MAP3K13: variants seen among roughly 807,000 people sequenced by gnomAD.
MAP3K13 encodes the protein leucine zipper-bearing kinase.
A neutral mutation model predicts 104.0 loss-of-function variants in MAP3K13; 52 were observed. The ratio of observed to expected loss-of-function variants is 0.50; its 90% CI spans 0.40 to 0.63. The LOEUF is 0.63. Ranked by LOEUF, MAP3K13 falls within the 20% of genes least tolerant of loss-of-function variation. The pLI, the probability that MAP3K13 is intolerant of heterozygous loss-of-function variation, is 0.00. For missense variants in MAP3K13, 914 were observed against 1,218.5 expected (o/e 0.75, Z 3.72); for synonymous variants, 394 against 442.2 (o/e 0.89, Z 1.37).
chr3:185,418,510 C>T lies in MAP3K13; in HGVS notation c.-85-9987C>T. 6.2e-7 allele frequency: 1 copy of T among 1,612,052 alleles called. No individual in the cohort carries two copies. On this transcript the variant is annotated intron_variant, in intron 1 of 13. Transcript: ENST00000265026. This position sits in a 1 kb window ranked among gnomAD's most constrained non-coding sequence, Gnocchi z 4.5. ...TCCACGACACATGTTTCCAAAAGCA[C>T]CCTGGCCAGAGCGGTGAGTCCCACC...
At chr3:185,442,764 C>A (rs1285169482) in intron 3 of MAP3K13, among the ~76,000 whole-genome samples, 1 of 152,070 alleles carries the variant, frequency 6.6e-6, no homozygotes, top group Non-Finnish European at 1.5e-5. Context: ...GAACTCCTGA[C>A]CTTGGTGATC....
chr3:185,324,253 C>T (rs997744155), intron 2 of MAP3K13, among the ~76,000 whole-genome samples: 8 of 151,868 alleles, frequency 5.3e-5, no homozygotes, highest in African/African-American at 1.5e-4. Context: ...CTCCTGACCT[C>T]GTGATCCGCC....
At chr3:185,419,431 C>A (rs1051446352) in intron 1 of MAP3K13, among the ~76,000 whole-genome samples, 2 of 152,084 alleles carry the variant, frequency 1.3e-5, no homozygotes, top group East Asian at 3.8e-4. Flanking sequence ...TTAATCTGTG[C>A]GTTTAAAGCA....
Position 185,437,462 on chromosome 3 carries a change from C to T in MAP3K13, c.491C>T (p.Pro164Leu). ...KLQQQDTWEV[P>L]FEEISELQWL... is the part of the protein sequence containing the mutation. ...GTGTGCCTAGATACTTGGGAAGTGC[C>T]ATTTGAGGAGATCTCAGAGCTGCAG... The change falls in exon 3 of 14, where the codon CCA becomes CTA. Residue 164 changes from proline to leucine, a missense_variant. Physicochemically the swap from Pro to Leu is moderately conservative, Grantham distance 98. This residue lies in a region of MAP3K13 where 175 missense variants were observed against 321.3 expected (regional missense o/e 0.54). Transcript: ENST00000265026. 6.2e-7 allele frequency: 1 copy of T among 1,613,442 alleles called. No homozygotes were observed. The highest frequency in any genetic ancestry group is 8.5e-7 in the Non-Finnish European group (1 of 1,179,826).
At chr3:185,455,644 GAGATATATATATGATATATATATGATAT>G (rs1716591042) in intron 7 of MAP3K13, among the ~76,000 whole-genome samples, 1 of 21,240 alleles carries the variant, frequency 4.7e-5, no homozygotes, top group Non-Finnish European at 9.7e-5. Flanking sequence ...TGATATATAT[GAGATATATATATGATATATATATGATAT>G]ATATATGAGA....
At chr3:185,412,000 T>C (rs1169931480) in intron 1 of MAP3K13, among the ~76,000 whole-genome samples, 1 of 152,044 alleles carries the variant, frequency 6.6e-6, no homozygotes, top group Non-Finnish European at 1.5e-5. Flanking sequence ...GCCAGGCTGG[T>C]CTCGAACTCT....
intron 8 of MAP3K13, 140 bp downstream of exon 8, chr3:185,463,799 C>A (rs1012261977): frequency 4.6e-5 from 24 of 521,954 alleles, no homozygotes; most frequent in African/African-American, 3.4e-4. Flanking sequence ...AAAAGTTGCC[C>A]CAAAAGTTAG....
In MAP3K13 at chr3:185,452,902, C is replaced by T. The variant is rs562989789; in HGVS notation, c.1278+1507C>T. ...TGCATTATTCCTGCTAATGTTCCAT[C>T]GGCCAAGCAAGTCACAGGCCAACCC... On this transcript the variant is annotated intron_variant, in intron 7 of 13. Transcript: ENST00000265026. 2.0e-5 allele frequency among the ~76,000 whole-genome samples: 3 copies of T among 152,242 alleles called. No homozygotes were observed. The South Asian group carries it at 6.2e-4, about 32-fold the overall frequency.
In MAP3K13 at chr3:185,301,882, T is replaced by A. The variant is rs1024687812; in HGVS notation, c.-86+16239T>A. ...TTGATTACTAAAGTTTTGTAATATATGTTGAAGTCAGGAAGTTTGAGGCCT... is the reference window on the plus strand; with the variant it reads ...TTGATTACTAAAGTTTTGTAATATAAGTTGAAGTCAGGAAGTTTGAGGCCT... On this transcript the variant is annotated intron_variant, in intron 2 of 14. Coordinates refer to the MAP3K13 transcript ENST00000424227. Among the ~76,000 whole-genome samples, 5 of 152,344 alleles carry A rather than the reference T, an allele frequency of 3.3e-5. No individual in the cohort carries two copies. In the South Asian group the frequency reaches 1.0e-3, roughly 32 times the overall value.
intron 2 of MAP3K13, among the ~76,000 whole-genome samples, chr3:185,332,006 T>C (rs1054317922): frequency 6.6e-6 from 1 of 152,244 alleles, no homozygotes; most frequent in Admixed American, 6.5e-5. Flanking sequence ...ACGGATGTAC[T>C]GTAATTTATA....
intron 1 of MAP3K13, among the ~76,000 whole-genome samples, chr3:185,386,902 G>A (rs9856656): frequency 6.6e-6 from 1 of 152,120 alleles, no homozygotes; most frequent in African/African-American, 2.4e-5. Flanking sequence ...TCCTGTCAGA[G>A]GGCAGGGGGT....
At chr3:185,433,703 G>T (rs1714871882) in intron 2 of MAP3K13, among the ~76,000 whole-genome samples, 1 of 152,048 alleles carries the variant, frequency 6.6e-6, no homozygotes, top group Non-Finnish European at 1.5e-5. Context: ...TTTTTCTATG[G>T]ATAATCAAGA....
intron 2 of MAP3K13, among the ~76,000 whole-genome samples, chr3:185,308,547 ACT>A (rs1305110370): frequency 6.6e-6 from 1 of 151,906 alleles, no homozygotes; most frequent in Non-Finnish European, 1.5e-5. Flanking sequence ...TCCCAATAAC[ACT>A]GAGTTCTGTT....
chr3:185,347,775 G>A (rs1294609795), intron 2 of MAP3K13, among the ~76,000 whole-genome samples: 4 of 152,118 alleles, frequency 2.6e-5, no homozygotes, highest in African/African-American at 9.7e-5. Context: ...TTGGGAAGTC[G>A]AGGCGGGTGG....
intron 2 of MAP3K13, among the ~76,000 whole-genome samples, chr3:185,432,450 C>G (rs1201728042): frequency 6.6e-6 from 1 of 152,000 alleles, no homozygotes; most frequent in Non-Finnish European, 1.5e-5. Flanking sequence ...CTCGGCCTTC[C>G]AAAGTGCTGG....
chr3:185,302,031 G>A (rs113355342), intron 2 of MAP3K13, among the ~76,000 whole-genome samples: 129 of 152,118 alleles, frequency 8.5e-4, no homozygotes, highest in East Asian at 3.5e-3. Flanking sequence ...TAGGGATTGC[G>A]TGAATCTGTA....
intron 3 of MAP3K13, among the ~76,000 whole-genome samples, chr3:185,439,527 A>G (rs1227030980): frequency 6.6e-6 from 1 of 152,078 alleles, no homozygotes; most frequent in East Asian, 1.9e-4. Flanking sequence ...AAGGGTCAAA[A>G]GCTTTTAAAC....
At chr3:185,474,252 G>C (rs1209292219) in intron 11 of MAP3K13, among the ~76,000 whole-genome samples, 4 of 151,272 alleles carry the variant, frequency 2.6e-5, no homozygotes, top group African/African-American at 9.7e-5. Flanking sequence ...CTTGAACCTG[G>C]GAGGCGGAGG....
In MAP3K13 at chr3:185,437,334, G is replaced by T. The variant is rs1715096637; in HGVS notation, c.476-113G>T. On this transcript the variant is annotated intron_variant, in intron 2 of 13. Transcript: ENST00000265026. ...AGGAAGGTTCTATCTTTTGCCGGGA[G>T]ACAGAGGGTAAGGGTCATCCTGGGT... 4 of 837,356 alleles carry T rather than the reference G, an allele frequency of 4.8e-6. No individual in the cohort carries two copies. In the South Asian group the frequency reaches 7.4e-5, roughly 15 times the overall value. The allele number at this position is 837,356 out of a possible 1,614,324, so 51.9% of individuals were successfully genotyped here.
Sources: allele counts gnomAD v4.1 joint callset (sites outside exome capture counted in the v4.1 genomes callset), GRCh38; gene constraint gnomAD v4.1.1; regional missense constraint gnomAD v4.1.1; non-coding constraint Gnocchi (gnomAD v3.1); transcripts MANE v1.5; gene names NCBI Gene and HGNC (gene_info 2026-07-23, HGNC 2026-07-21).